The following GFOD1 variants were observed in gnomAD, a reference collection of about 807,000 sequenced individuals.
The protein encoded by GFOD1 is Gfo/Idh/MocA-like oxidoreductase domain containing 1, also known as glucose-fructose oxidoreductase domain-containing protein 1.
A neutral mutation model predicts 25.4 loss-of-function variants in GFOD1; 9 were observed. The ratio of observed to expected loss-of-function variants is 0.35; its 90% confidence interval spans 0.21 to 0.62. The LOEUF (loss-of-function observed/expected upper bound fraction) is 0.62, where lower values mean the gene tolerates loss of function less well. GFOD1 is among the 20% of genes least tolerant of loss of function. The probability of loss-of-function intolerance (pLI) is 0.72; values close to 1 mark genes in which losing one functional copy is unlikely to be tolerated. For missense variants in GFOD1, 403 were observed against 556.9 expected (o/e 0.72, Z 2.78); for synonymous variants, 253 against 245.6 (o/e 1.03, Z -0.28).
chr6:13,379,068 G>A (rs945407729), intron 1 of GFOD1, among the ~76,000 whole-genome samples: 6 of 152,224 alleles, frequency 3.9e-5, no homozygotes, highest in Non-Finnish European at 7.3e-5. Flanking sequence ...ACTGCCCAGA[G>A]CACTTTCACC....
intron 1 of GFOD1, among the ~76,000 whole-genome samples, chr6:13,371,004 T>C (rs934839168): frequency 6.6e-6 from 1 of 152,228 alleles, no homozygotes; most frequent in African/African-American, 2.4e-5. Flanking sequence ...CAATCATCTG[T>C]CTTAGCATAG....
chr6:13,383,736 A>G (rs1273692109), intron 1 of GFOD1, among the ~76,000 whole-genome samples: 1 of 152,240 alleles, frequency 6.6e-6, no homozygotes, highest in African/African-American at 2.4e-5. Context: ...AGCTTAACCA[A>G]TTAGAAATGC....
At chr6:13,433,118 CTTT>C (rs34908391) in intron 1 of GFOD1, among the ~76,000 whole-genome samples, 6 of 133,648 alleles carry the variant, frequency 4.5e-5, no homozygotes, top group Admixed American at 7.8e-5. Context: ...TGCTGGGTCC[CTTT>C]TTTTTTTTTT....
At chr6:13,392,070 G>C (rs1292697510) in intron 1 of GFOD1, among the ~76,000 whole-genome samples, 1 of 152,110 alleles carries the variant, frequency 6.6e-6, no homozygotes, top group Admixed American at 6.5e-5. Flanking sequence ...GCCACACTAA[G>C]AGCTGCTTCC....
intron 1 of GFOD1, chr6:13,469,986 T>G (rs773879715): frequency 1.5e-6 from 2 of 1,316,322 alleles, no homozygotes; most frequent in Non-Finnish European, 2.0e-6. Flanking sequence ...TCAGAGCACA[T>G]GCCATATCTT....
intron 1 of GFOD1, among the ~76,000 whole-genome samples, chr6:13,460,555 GTTCC>G (rs1758273733): frequency 6.6e-6 from 1 of 152,132 alleles, no homozygotes; most frequent in African/African-American, 2.4e-5. Context: ...GCAAACTTCT[GTTCC>G]TGTGAACAGA....
intron 1 of GFOD1, among the ~76,000 whole-genome samples, chr6:13,475,140 T>C (rs1269715035): frequency 6.6e-6 from 1 of 152,168 alleles, no homozygotes; most frequent in Admixed American, 6.5e-5. Flanking sequence ...GAGATTTGAA[T>C]AGTCATTTTA....
chr6:13,481,380 G>A (rs1758747881), intron 1 of GFOD1, among the ~76,000 whole-genome samples: 1 of 152,254 alleles, frequency 6.6e-6, no homozygotes, highest in Non-Finnish European at 1.5e-5. Flanking sequence ...AGATTGGCAT[G>A]TGAGGAACAG....
chr6:13,426,583 G>A (rs910087963), intron 1 of GFOD1, among the ~76,000 whole-genome samples: 12 of 152,236 alleles, frequency 7.9e-5, no homozygotes, highest in African/African-American at 2.9e-4. Context: ...CCCCTAAGAA[G>A]GTGAATGAAT....
intron 1 of GFOD1, among the ~76,000 whole-genome samples, chr6:13,447,094 G>A (rs1210277670): frequency 6.6e-6 from 1 of 150,690 alleles, no homozygotes; most frequent in Non-Finnish European, 1.5e-5. Flanking sequence ...GCTTATTAGT[G>A]TCCTAGGACT....
At chr6:13,444,980 A>AC (rs1757980972) in intron 1 of GFOD1, among the ~76,000 whole-genome samples, 1 of 152,154 alleles carries the variant, frequency 6.6e-6, no homozygotes, top group Non-Finnish European at 1.5e-5. Context: ...ATAAAAATCA[A>AC]CCCCCTCTAA....
intron 1 of GFOD1, among the ~76,000 whole-genome samples, chr6:13,396,404 C>G (rs1785733031): frequency 1.3e-5 from 2 of 152,226 alleles, no homozygotes; most frequent in South Asian, 4.1e-4. Flanking sequence ...AAGCGCCACA[C>G]TGAGTTACAG....
At chr6:13,401,778 G>T (rs59328240) in intron 1 of GFOD1, among the ~76,000 whole-genome samples, 4,558 of 152,204 alleles carry the variant, frequency 0.03, 199 homozygotes, top group African/African-American at 0.1. Context: ...CAAAACAATT[G>T]CTATCAAAAT....
chr6:13,411,957 T>A (rs1461153937), intron 1 of GFOD1, among the ~76,000 whole-genome samples: 1 of 152,218 alleles, frequency 6.6e-6, no homozygotes, highest in Admixed American at 6.5e-5. Flanking sequence ...TTACTCAGCG[T>A]CTTTGTGCCT....
At chr6:13,463,529 T>A (rs934066716) in intron 1 of GFOD1, among the ~76,000 whole-genome samples, 10 of 152,306 alleles carry the variant, frequency 6.6e-5, no homozygotes, top group African/African-American at 2.2e-4. Flanking sequence ...GATCACAAGC[T>A]CTTTCCACGT....
chr6:13,373,153 G>C (rs1490116798), intron 1 of GFOD1, among the ~76,000 whole-genome samples: 2 of 152,186 alleles, frequency 1.3e-5, no homozygotes, highest in African/African-American at 4.8e-5. Flanking sequence ...TAGTAGAGGA[G>C]ACCAATCAGG....
At position 13,463,853 on chromosome 6, in the gene GFOD1, A is replaced by G. The variant is rs192405441; in HGVS notation, c.253+22785T>C. Among the ~76,000 whole-genome samples the G allele has an allele frequency of 6.2e-4, 95 of 152,306 alleles. 1 individual carries two copies. The highest frequency in any genetic ancestry group is 1.5e-5 in the Non-Finnish European group (1 of 68,030). On this transcript the variant is annotated intron_variant, in intron 1 of 1. Transcript: ENST00000379287. ...CCAGTACATAAATACAAAGATAAAT[A>G]TATATCTATCCAGCAGGGTCTTGAG...
Position 13,361,996 on chromosome 6 carries a change from C to G in GFOD1, c.*2747G>C, listed in dbSNP as rs1236718275. On this transcript the variant is annotated 3_prime_UTR_variant, in exon 2 of 2. Transcript: ENST00000379287. ...TAGTACAGAAACATACAATTGAAAC[C>G]CCAGGAATATCCCTATTTAGGTTAT... is the stretch of plus-strand genomic sequence containing the variant. The G allele has an allele frequency of 6.6e-6, 1 of 152,076 alleles. No homozygotes were observed. The highest frequency in any genetic ancestry group is 2.4e-5 in the African/African-American group (1 of 41,386). The allele number at this position is 152,076 out of a possible 1,614,324, so 9.4% of individuals were successfully genotyped here.
In GFOD1 at chr6:13,360,882, G is replaced by A. The variant is rs1473068115; in HGVS notation, c.*3861C>T. On this transcript the variant is annotated 3_prime_UTR_variant, in exon 2 of 2. Transcript: ENST00000379287. ...CAGGAGGTGCCCACATCTCTTCCTG[G>A]GAGGCAGTGTGGTCTGGAGGAGAAG... 4.4e-6 allele frequency: 2 copies of A among 456,488 alleles called. No homozygotes were observed. The highest frequency in any genetic ancestry group is 8.8e-6 in the Non-Finnish European group (2 of 226,924). 28.3% of individuals were successfully genotyped at this position (456,488 alleles called of 1,614,324 possible).
Sources: gnomAD v4.1 joint callset for allele counts (sites outside exome capture counted in the v4.1 genomes callset) on GRCh38, gnomAD v4.1.1 for gene constraint, MANE v1.5 for transcripts, NCBI Gene and HGNC (gene_info 2026-07-23, HGNC 2026-07-21) for gene names.